MAGI1: variants seen among roughly 807,000 people sequenced by gnomAD.
MAGI1 encodes the protein membrane associated guanylate kinase, WW and PDZ domain containing 1, also known as membrane-associated guanylate kinase, WW and PDZ domain-containing protein 1.
MAGI1 carries 58 observed loss-of-function variants against 139.9 expected under a neutral mutation model. The ratio of observed to expected loss-of-function variants is 0.41; its 90% CI spans 0.34 to 0.52. MAGI1 has a LOEUF of 0.52. MAGI1 is among the 20% of genes least tolerant of loss of function. The pLI, the probability that MAGI1 is intolerant of heterozygous loss-of-function variation, is 0.12. For synonymous variants in MAGI1, 812 were observed against 737.9 expected, an observed-to-expected ratio of 1.10 and a Z score of -1.63; for missense variants, 1,874 against 1,901.6, an observed-to-expected ratio of 0.99 and a Z score of 0.27.
At chr3:65,402,192 G>A (rs1485329135) in intron 12 of MAGI1, among the ~76,000 whole-genome samples, 1 of 152,150 alleles carries the variant, frequency 6.6e-6, no homozygotes, top group Non-Finnish European at 1.5e-5. Flanking sequence ...TAGCCCTCAG[G>A]AGGGAAAGCA....
intron 5 of MAGI1, among the ~76,000 whole-genome samples, chr3:65,458,063 T>C (rs1949519788): frequency 6.6e-6 from 1 of 152,182 alleles, no homozygotes. Context: ...TGCCTTTCAG[T>C]GCCTGGCTTA....
chr3:65,385,833 T>C (rs1234520069), intron 14 of MAGI1, among the ~76,000 whole-genome samples: 2 of 152,172 alleles, frequency 1.3e-5, no homozygotes, highest in Admixed American at 6.5e-5. Flanking sequence ...CACGCTAAGG[T>C]AACAATATTT....
At chr3:65,457,756 T>C (rs1337801739) in intron 5 of MAGI1, among the ~76,000 whole-genome samples, 1 of 152,176 alleles carries the variant, frequency 6.6e-6, no homozygotes, top group Admixed American at 6.5e-5. Flanking sequence ...TCAGGGTAAA[T>C]GAAGTGACCA....
At chr3:66,017,314 C>T (rs764432974) in intron 1 of MAGI1, among the ~76,000 whole-genome samples, 1 of 152,250 alleles carries the variant, frequency 6.6e-6, no homozygotes, top group African/African-American at 2.4e-5. Flanking sequence ...CGGGAAGCTC[C>T]GCGCTGCAAT....
At chr3:65,588,525 A>G (rs913161847) in intron 2 of MAGI1, among the ~76,000 whole-genome samples, 1 of 152,222 alleles carries the variant, frequency 6.6e-6, no homozygotes, top group African/African-American at 2.4e-5. Flanking sequence ...TAGGCAATGT[A>G]GATGAAAGTC....
chr3:65,439,313 C>G (rs4359758), intron 9 of MAGI1, among the ~76,000 whole-genome samples: 146,392 of 152,238 alleles, frequency 0.96, 70,438 homozygotes, highest in East Asian at 0.99. Context: ...ATGCGTATAT[C>G]TATATCCCTA....
chr3:65,558,915 A>G (rs983452000), intron 2 of MAGI1, among the ~76,000 whole-genome samples: 6 of 152,242 alleles, frequency 3.9e-5, no homozygotes, highest in Non-Finnish European at 8.8e-5. Context: ...GAAAACAATG[A>G]ATCTTCTAAA....
intron 1 of MAGI1, among the ~76,000 whole-genome samples, chr3:65,999,122 AG>A (rs2066608750): frequency 6.6e-6 from 1 of 152,114 alleles, no homozygotes; most frequent in African/African-American, 2.4e-5. Context: ...CAGGTTTGTT[AG>A]GTAGGTAAAC....
chr3:65,589,924 G>A (rs552780452), intron 2 of MAGI1, among the ~76,000 whole-genome samples: 53 of 151,772 alleles, frequency 3.5e-4, no homozygotes, highest in African/African-American at 1.3e-3. Flanking sequence ...CAGGCTCCTT[G>A]GCATCTCTGT....
intron 2 of MAGI1, among the ~76,000 whole-genome samples, chr3:65,587,479 C>CTTTTTTTTTTTTTTTTTTTTTTTTTT (rs755825684): frequency 3.7e-5 from 4 of 109,520 alleles, no homozygotes; most frequent in African/African-American, 7.8e-5. Flanking sequence ...TTACTTTTTT[C>CTTTTTTTTTTTTTTTTTTTTTTTTTT]TTTTTTTTTT....
chr3:65,356,455 C>A lies in MAGI1; in HGVS notation c.4312G>T (p.Ala1438Ser). 6.2e-7 allele frequency: 1 copy of A among 1,611,800 alleles called. No individual in the cohort carries two copies. The highest frequency in any genetic ancestry group is 8.5e-7 in the Non-Finnish European group (1 of 1,179,840). The change falls in exon 23 of 23, where the codon GCC becomes TCC. Residue 1438 changes from alanine to serine, a missense_variant. By Grantham distance (99) the Ala-to-Ser change is moderately conservative. Coordinates refer to ENST00000402939, the MANE Select transcript of MAGI1 (RefSeq NM_001033057.2). ...EREEANLKQD[A>S]GRSSRHPPEQ... ...GGGGGATGTCTGGAACTTCTGCCGG[C>A]ATCCTGTTTCAGATTCGCCTCTTCC...
chr3:65,681,357 G>T (rs1313270711), intron 1 of MAGI1, among the ~76,000 whole-genome samples: 2 of 152,084 alleles, frequency 1.3e-5, no homozygotes, highest in Non-Finnish European at 2.9e-5. Flanking sequence ...AGAGTCCCTG[G>T]AAAGTAACAA....
At chr3:65,573,024 G>A (rs966573217) in intron 2 of MAGI1, among the ~76,000 whole-genome samples, 1 of 152,024 alleles carries the variant, frequency 6.6e-6, no homozygotes, top group African/African-American at 2.4e-5. Context: ...ATGTTATACA[G>A]ATATGAAGAC....
chr3:65,919,251 C>T (rs1560012825), intron 1 of MAGI1, among the ~76,000 whole-genome samples: 1 of 152,178 alleles, frequency 6.6e-6, no homozygotes, highest in Admixed American at 6.6e-5. Flanking sequence ...TGATTTTCTA[C>T]TTCTTAACCT....
intron 1 of MAGI1, among the ~76,000 whole-genome samples, chr3:65,876,125 C>CAAAAAAA (rs201926706): frequency 8.8e-6 from 1 of 113,234 alleles, no homozygotes. Flanking sequence ...GAAAATTAAG[C>CAAAAAAA]AAAAAAAAAA....
chr3:65,524,311 C>T (rs1294592557), intron 2 of MAGI1, among the ~76,000 whole-genome samples: 3 of 152,078 alleles, frequency 2.0e-5, no homozygotes, highest in East Asian at 3.9e-4. Context: ...AAAACAATTG[C>T]CATAGGTAAA....
At chr3:65,671,456 G>A (rs1311488001) in intron 1 of MAGI1, among the ~76,000 whole-genome samples, 1 of 152,110 alleles carries the variant, frequency 6.6e-6, no homozygotes, top group Admixed American at 6.5e-5. Flanking sequence ...AATGCCCCCT[G>A]CAATTCAAAA....
intron 12 of MAGI1, 72 bp downstream of exon 12, chr3:65,429,448 C>G (rs1947318999): frequency 6.9e-7 from 1 of 1,458,418 alleles, no homozygotes; most frequent in Non-Finnish European, 9.2e-7. Flanking sequence ...CAGTGGTCAT[C>G]TGAAGATGAG....
At chr3:65,792,861 A>C (rs1013637706) in intron 1 of MAGI1, among the ~76,000 whole-genome samples, 5 of 152,162 alleles carry the variant, frequency 3.3e-5, no homozygotes, top group African/African-American at 1.2e-4. Context: ...CACCACGGAA[A>C]GCAAAACCAT....
Sources: allele counts gnomAD v4.1 joint callset (sites outside exome capture counted in the v4.1 genomes callset), GRCh38; gene constraint gnomAD v4.1.1; transcripts MANE v1.5; gene names NCBI Gene and HGNC (gene_info 2026-07-23, HGNC 2026-07-21).